The following ACTR3C variants were observed in gnomAD, a reference collection of about 807,000 sequenced individuals.
ACTR3C encodes the protein actin-related protein 3C.
A neutral mutation model predicts 26.3 loss-of-function variants in ACTR3C; 18 were observed. That is an observed-to-expected ratio of 0.68 (90% CI 0.47 to 1.01). The LOEUF is 1.01. Ranked by LOEUF, ACTR3C falls within the 50% of genes least tolerant of loss-of-function variation. The pLI, the probability that ACTR3C is intolerant of heterozygous loss-of-function variation, is 0.00. For synonymous variants in ACTR3C, 55 were observed against 94.5 expected, an observed-to-expected ratio of 0.58 and a Z score of 2.42; for missense variants, 184 against 250.7, an observed-to-expected ratio of 0.73 and a Z score of 1.80.
the ACTR3C span, among the ~76,000 whole-genome samples, chr7:149,974,941 G>A: frequency 0.014 from 2,205 of 152,212 alleles, 48 homozygotes; most frequent in African/African-American, 0.05. Flanking sequence ...TAGTTGAACT[G>A]GGAATCTACA....
At chr7:150,120,855 GA>G in the ACTR3C span, among the ~76,000 whole-genome samples, 1 of 152,130 alleles carries the variant, frequency 6.6e-6, no homozygotes, top group Non-Finnish European at 1.5e-5. Flanking sequence ...CTGGAAAACT[GA>G]ATACAGCAGC....
the ACTR3C span, among the ~76,000 whole-genome samples, chr7:150,110,657 C>A: frequency 2.0e-5 from 2 of 98,178 alleles, no homozygotes; most frequent in African/African-American, 4.0e-5. Flanking sequence ...TGGCAAGGGG[C>A]AAAACTGTCT....
the ACTR3C span, among the ~76,000 whole-genome samples, chr7:150,064,382 C>G: frequency 7.1e-6 from 1 of 141,792 alleles, no homozygotes; most frequent in African/African-American, 2.7e-5. Flanking sequence ...TGGTGAATCC[C>G]CCCGCCCCCA....
the ACTR3C span, among the ~76,000 whole-genome samples, chr7:150,138,803 C>T: frequency 0.024 from 3,625 of 152,242 alleles, 1 homozygote; most frequent in African/African-American, 0.082. Context: ...CGCTCCCCAT[C>T]GCTCGCATTA....
downstream of ACTR3C, chr7:150,246,867 A>T (rs547969169): frequency 6.6e-6 from 1 of 152,386 alleles, no homozygotes; most frequent in Non-Finnish European, 1.5e-5. Flanking sequence ...ATCTCGGCTC[A>T]TCGCAACCTC....
chr7:150,141,310 G>T, the ACTR3C span, among the ~76,000 whole-genome samples: 23 of 152,146 alleles, frequency 1.5e-4, no homozygotes, highest in African/African-American at 5.1e-4. Flanking sequence ...GCAATTAGGG[G>T]ACTCCTAGTT....
At chr7:149,920,380 C>G in the ACTR3C span, among the ~76,000 whole-genome samples, 1 of 151,048 alleles carries the variant, frequency 6.6e-6, no homozygotes, top group East Asian at 2.0e-4. Context: ...AGTCACAACT[C>G]ACGGTAACCT....
chr7:150,229,231 G>C, the ACTR3C span, among the ~76,000 whole-genome samples: 10 of 151,890 alleles, frequency 6.6e-5, no homozygotes, highest in Non-Finnish European at 2.9e-5. Flanking sequence ...TTGAATAGGA[G>C]TGGTGAGAAG....
chr7:150,025,970 C>A, the ACTR3C span, among the ~76,000 whole-genome samples: 1 of 152,120 alleles, frequency 6.6e-6, no homozygotes, highest in African/African-American at 2.4e-5. Flanking sequence ...GACTGCGAGG[C>A]CTTCGGAGGG....
chr7:150,077,746 C>G, the ACTR3C span, among the ~76,000 whole-genome samples: 1 of 152,172 alleles, frequency 6.6e-6, no homozygotes, highest in Non-Finnish European at 1.5e-5. Context: ...GTTGGCAGTT[C>G]GGTTCTCCCT....
At chr7:150,071,268 C>T in the ACTR3C span, among the ~76,000 whole-genome samples, 1,107 of 151,658 alleles carry the variant, frequency 7.3e-3, 12 homozygotes, top group African/African-American at 0.026. Context: ...GGACTACAGG[C>T]GCCCGCCACC....
the ACTR3C span, among the ~76,000 whole-genome samples, chr7:149,976,350 G>A: frequency 2.6e-5 from 4 of 152,002 alleles, no homozygotes; most frequent in Non-Finnish European, 4.4e-5. Context: ...TGAGGCGGGC[G>A]GATCACGAGG....
the ACTR3C span, among the ~76,000 whole-genome samples, chr7:149,934,095 T>A: frequency 6.6e-6 from 1 of 151,750 alleles, no homozygotes; most frequent in Non-Finnish European, 1.5e-5. Flanking sequence ...CACACAACAC[T>A]AGCAAGTTCC....
At chr7:150,022,154 G>C in the ACTR3C span, among the ~76,000 whole-genome samples, 5 of 151,802 alleles carry the variant, frequency 3.3e-5, no homozygotes, top group African/African-American at 4.9e-5. Context: ...TTTTAATTAT[G>C]GCCATTTGTG....
intron 7 of ACTR3C, chr7:150,248,732 T>G (rs1832629368): frequency 5.8e-6 from 2 of 345,446 alleles, no homozygotes; most frequent in East Asian, 9.2e-5. Context: ...CCACTTATCA[T>G]AGCAAGAACC....
the ACTR3C span, chr7:150,045,175 A>C: frequency 6.6e-6 from 1 of 152,210 alleles, no homozygotes; most frequent in Non-Finnish European, 1.5e-5. Flanking sequence ...TCTGTACCTA[A>C]AAAGCAGTTT....
At chr7:150,287,608 C>T (rs1347971741) in intron 4 of ACTR3C, among the ~76,000 whole-genome samples, 2 of 152,212 alleles carry the variant, frequency 1.3e-5, no homozygotes, top group Admixed American at 6.5e-5. Flanking sequence ...GAAGGAATGG[C>T]TCTCTCAAGG....
the ACTR3C span, chr7:150,002,535 C>T: frequency 3.9e-5 from 6 of 152,190 alleles, no homozygotes; most frequent in Non-Finnish European, 8.8e-5. Context: ...GTCCCCTGAC[C>T]TTTCAATCAA....
chr7:149,951,812 G>A, the ACTR3C span, among the ~76,000 whole-genome samples: 4 of 150,206 alleles, frequency 2.7e-5, no homozygotes, highest in African/African-American at 1.0e-4. Flanking sequence ...GGCAGATGGT[G>A]TGTAGGCGCC....
Sources: gnomAD v4.1 joint callset for allele counts (sites outside exome capture counted in the v4.1 genomes callset) on GRCh38, gnomAD v4.1.1 for gene constraint, MANE v1.5 for transcripts, NCBI Gene and HGNC (gene_info 2026-07-23, HGNC 2026-07-21) for gene names.